Variants in HEXB observed in about 807,000 individuals in gnomAD.
The protein encoded by HEXB is beta-hexosaminidase subunit beta.
Under a neutral mutation model 71.2 loss-of-function variants are expected in HEXB, and 51 were observed. The ratio of observed to expected loss-of-function variants is 0.72; its 90% CI spans 0.57 to 0.90. The LOEUF (loss-of-function observed/expected upper bound fraction) is 0.90, where lower values mean the gene tolerates loss of function less well. Among genes scored for constraint, HEXB ranks in the 40% least tolerant of loss-of-function variants. The pLI is 0.00. For synonymous variants in HEXB, 266 were observed against 249.3 expected (o/e 1.07, Z -0.63); for missense variants, 617 against 677.0 (o/e 0.91, Z 0.98).
chr5:74,706,738 T>C (rs1356770164), intron 6 of HEXB, among the ~76,000 whole-genome samples: 1 of 151,490 alleles, frequency 6.6e-6, no homozygotes, highest in African/African-American at 2.4e-5. Flanking sequence ...GCAGCGAGGC[T>C]GGGGGAGGGG....
In HEXB at chr5:74,676,734, C is replaced by T. The variant is rs1362363518; in HGVS notation, c.-376-12594C>T. Among the ~76,000 whole-genome samples the T allele has an allele frequency of 2.0e-5, 3 of 152,180 alleles. 1 individual carries two copies. The South Asian group carries it at 6.2e-4, about 32-fold the overall frequency. ...TGAGCTGAGATTGCACCACTTCACT[C>T]CAGCCTTCATGACAGATGAGATTCT... On this transcript the variant is annotated intron_variant, in intron 1 of 13. Coordinates refer to the HEXB transcript ENST00000511181.
chr5:74,682,575 C>T (rs1209121248), upstream of HEXB, among the ~76,000 whole-genome samples: 3 of 152,162 alleles, frequency 2.0e-5, no homozygotes, highest in Admixed American at 6.5e-5. Context: ...ATTTGTGACA[C>T]AGCAATAGAT....
At chr5:74,678,380 A>G (rs963448545) in intron 1 of HEXB, among the ~76,000 whole-genome samples, 1 of 152,040 alleles carries the variant, frequency 6.6e-6, no homozygotes, top group African/African-American at 2.4e-5. Flanking sequence ...GCCCAGAAAG[A>G]AATATGCAGA....
intron 11 of HEXB, among the ~76,000 whole-genome samples, chr5:74,719,750 T>C (rs1749773687): frequency 6.6e-6 from 1 of 152,112 alleles, no homozygotes; most frequent in South Asian, 2.1e-4. Flanking sequence ...AAGACCAGCC[T>C]GCCTAAGATG....
At chr5:74,712,231 T>G (rs1437042914) in intron 6 of HEXB, among the ~76,000 whole-genome samples, 4 of 143,888 alleles carry the variant, frequency 2.8e-5, no homozygotes, top group African/African-American at 1.0e-4. Context: ...AATTGAACAA[T>G]GAGAACACAT....
chr5:74,656,113 A>G (rs930372276), intron 1 of HEXB, among the ~76,000 whole-genome samples: 1 of 152,182 alleles, frequency 6.6e-6, no homozygotes, highest in Admixed American at 6.5e-5. Flanking sequence ...CATTGTGTCC[A>G]AAAGAATCAT....
intron 1 of HEXB, among the ~76,000 whole-genome samples, chr5:74,672,785 G>A (rs763078893): frequency 3.9e-5 from 6 of 152,132 alleles, no homozygotes; most frequent in Non-Finnish European, 5.9e-5. Context: ...GTCCCCTCCC[G>A]GTTCAGCTTT....
chr5:74,692,421 G>A (rs761496492), intron 2 of HEXB, among the ~76,000 whole-genome samples: 29 of 152,052 alleles, frequency 1.9e-4, no homozygotes, highest in Admixed American at 1.1e-3. Flanking sequence ...GGTCGAGGCT[G>A]CAATGAACCG....
At chr5:74,711,307 C>T (rs1247538523) in intron 6 of HEXB, among the ~76,000 whole-genome samples, 4 of 145,526 alleles carry the variant, frequency 2.7e-5, no homozygotes, top group African/African-American at 7.8e-5. Context: ...AAGACTTAAA[C>T]GTTAGACCTA....
intron 1 of HEXB, among the ~76,000 whole-genome samples, chr5:74,671,843 T>C (rs1189094059): frequency 6.6e-6 from 1 of 152,176 alleles, no homozygotes; most frequent in Non-Finnish European, 1.5e-5. Flanking sequence ...CCAGGTCCCA[T>C]GATACCTGAG....
intron 1 of HEXB, among the ~76,000 whole-genome samples, chr5:74,687,471 C>T (rs1456060849): frequency 6.6e-6 from 1 of 152,168 alleles, no homozygotes; most frequent in African/African-American, 2.4e-5. Context: ...TCTAGAACAG[C>T]GTTCATCACA....
At chr5:74,718,653 C>A in intron 10 of HEXB, 144 bp from the exon 11 acceptor site, 1 of 846,540 alleles carries the variant, frequency 1.2e-6, no homozygotes, top group South Asian at 1.6e-5. Flanking sequence ...ATGGCACTAA[C>A]TCTGAAGAAA....
intron 1 of HEXB, among the ~76,000 whole-genome samples, chr5:74,654,935 G>T (rs904714): frequency 0.26 from 39,326 of 151,900 alleles, 5,414 homozygotes; most frequent in Admixed American, 0.37. Flanking sequence ...GTGGAGAGAT[G>T]GTGAGCTCAG....
intron 1 of HEXB, among the ~76,000 whole-genome samples, chr5:74,677,914 A>C (rs1748666179): frequency 6.6e-6 from 1 of 152,090 alleles, no homozygotes; most frequent in African/African-American, 2.4e-5. Flanking sequence ...GGAAGGAAAA[A>C]TTATTTAAAA....
intron 6 of HEXB, among the ~76,000 whole-genome samples, chr5:74,707,102 G>A (rs1328429014): frequency 9.2e-5 from 14 of 152,276 alleles, no homozygotes; most frequent in African/African-American, 3.1e-4. Flanking sequence ...AACTTCCAGA[G>A]GAACGATCAG....
chr5:74,654,462 AG>A (rs1374282139), intron 1 of HEXB, among the ~76,000 whole-genome samples: 1 of 152,178 alleles, frequency 6.6e-6, no homozygotes, highest in African/African-American at 2.4e-5. Context: ...ATATACTAAC[AG>A]CTCCCCAATT....
At chr5:74,715,435 G>C in intron 7 of HEXB, 75 bp from the exon 8 acceptor site, 1 of 1,018,832 alleles carries the variant, frequency 9.8e-7, no homozygotes, top group Non-Finnish European at 1.5e-6. Flanking sequence ...AAATGACGTA[G>C]TAAAATCATG....
rs867255937 is a variant in HEXB at position 74,713,520 on chromosome 5, G to T, written c.786G>T (p.Leu262Phe). ...PELSNKGSYS[L>F]SHVYTPNDVR... ...GGCTTTTACAGGGAAGCTATTCTTT[G>T]TCTCATGTTTATACACCAAATGATG... Residue 262 changes from leucine (L) to phenylalanine (F), a missense_variant, in exon 7 of 14, where the codon TTG becomes TTT. Coordinates refer to ENST00000261416, the MANE Select transcript of HEXB (RefSeq NM_000521.4). 13 of 1,611,502 alleles carry T rather than the reference G, an allele frequency of 8.1e-6. No homozygotes were observed. The Admixed American group carries it at 8.3e-5, about 10-fold the overall frequency.
intron 9 of HEXB, among the ~76,000 whole-genome samples, chr5:74,717,390 G>GTTTA (rs1381729213): frequency 2.6e-5 from 4 of 151,608 alleles, no homozygotes; most frequent in Non-Finnish European, 5.9e-5. Context: ...ATTAATGAAA[G>GTTTA]TTAAAAATTC....
Sources: allele counts gnomAD v4.1 joint callset (sites outside exome capture counted in the v4.1 genomes callset), GRCh38; gene constraint gnomAD v4.1.1; transcripts MANE v1.5; gene names NCBI Gene and HGNC (gene_info 2026-07-23, HGNC 2026-07-21).